Variants in SLC43A2 observed in about 807,000 individuals in gnomAD.
SLC43A2 encodes the protein large neutral amino acids transporter small subunit 4.
In SLC43A2, 38 loss-of-function variants were observed where a neutral mutation model predicts 63.2. The observed-to-expected ratio is 0.60, with a 90% CI of 0.46 to 0.79. The LOEUF is 0.79. Among genes scored for constraint, SLC43A2 ranks in the 30% least tolerant of loss-of-function variants. The pLI is 0.00. For synonymous variants in SLC43A2, 322 were observed against 331.0 expected, an observed-to-expected ratio of 0.97 and a Z score of 0.30; for missense variants, 644 against 756.2, an observed-to-expected ratio of 0.85 and a Z score of 1.74.
rs1405960238 is a variant in SLC43A2, at chr17:1,577,369, G to A, written c.1425-649C>T. Among the ~76,000 whole-genome samples, 2 of 152,200 alleles carry A rather than the reference G, an allele frequency of 1.3e-5. No homozygotes were observed. Among genetic ancestry groups the A allele is most frequent in the Non-Finnish European group, 2.9e-5 (2 of 68,020 alleles). On this transcript the variant is annotated intron_variant, in intron 12 of 13. Coordinates refer to ENST00000301335, the MANE Select transcript of SLC43A2 (RefSeq NM_152346.3). This position sits in a 1 kb window ranked among gnomAD's most constrained non-coding sequence, Gnocchi z 4.9. ...CTGGGCTTGGCTCTGCAGTGCCCTC[G>A]TCCAGAGAAGCATTGAGTAATCGCG... is the stretch of plus-strand genomic sequence containing the variant.
chr17:1,591,726 G>GGC, intron 6 of SLC43A2, 27 bp from the exon 7 acceptor site: 1 of 1,000,374 alleles, frequency 1.0e-6, no homozygotes, highest in Non-Finnish European at 1.5e-6. Flanking sequence ...GGACGGGGTG[G>GGC]GGGGGGGAGG....
intron 4 of SLC43A2, 91 bp from the exon 5 acceptor site, chr17:1,613,362 C>T: frequency 3.7e-6 from 4 of 1,069,728 alleles, no homozygotes; most frequent in Non-Finnish European, 5.7e-6. Flanking sequence ...GTGCAGGCTC[C>T]CAGTAAATCC....
chr17:1,591,781 C>T (rs1267206969), intron 6 of SLC43A2, 82 bp from the exon 7 acceptor site: 17 of 1,077,234 alleles, frequency 1.6e-5, no homozygotes, highest in East Asian at 5.2e-5. Context: ...CAGGCAGGGG[C>T]GTCTGGCCAC....
At chr17:1,615,146 C>A in intron 3 of SLC43A2, 112 bp from the exon 4 acceptor site, 1 of 1,335,278 alleles carries the variant, frequency 7.5e-7, no homozygotes, top group Non-Finnish European at 1.0e-6. Flanking sequence ...CTTGCTCTGT[C>A]ACCCGGGCTG....
At chr17:1,581,909 A>ATG (rs2076021683) in intron 11 of SLC43A2, among the ~76,000 whole-genome samples, 2 of 149,160 alleles carry the variant, frequency 1.3e-5, no homozygotes, top group African/African-American at 2.5e-5. Context: ...GGATTCAAGC[A>ATG]ATTCTCCTGC....
chr17:1,586,936 AC>A lies in SLC43A2; in HGVS notation c.1079-886del, dbSNP rs148577276. 2,799 of 518,674 alleles carry A rather than the reference AC, an allele frequency of 5.4e-3. 38 individuals carry two copies. In the African/African-American group the frequency reaches 0.056, roughly 10 times the overall value. The allele number at this position is 518,674 out of a possible 1,614,324, so 32.1% of individuals were successfully genotyped here. A position where few individuals can be genotyped will look rare whatever the true frequency, so the allele number is the denominator to read the frequency against. ...ACAGCATTCCCTGACAATCCCCCCC[AC>A]CCCCCGCTTACCCGTGGCCATCACT... On this transcript the variant is annotated intron_variant, in intron 9 of 13. Transcript: ENST00000301335.
rs1345987404 is a variant in SLC43A2, at chr17:1,591,372, G to A, written c.828C>T (p.Gly276=). The A allele has an allele frequency of 1.9e-6, 3 of 1,612,148 alleles. No homozygotes were observed. Among genetic ancestry groups the A allele is most frequent in the Non-Finnish European group, 2.5e-6 (3 of 1,179,980 alleles). ...GCTCCTTGGCACTCCTCATGGAGCT[G>A]CCCACACTCAGGCGCCGGCCCACCG... is the stretch of plus-strand genomic sequence containing the variant. ...VTTVGRRLSV[G]SSMRSAKEQV... Residue 276 remains glycine (G), a synonymous_variant, in exon 8 of 14, where the codon GGC becomes GGT. Transcript: ENST00000301335.
At chr17:1,586,701 A>G (rs1353444889) in intron 9 of SLC43A2, among the ~76,000 whole-genome samples, 1 of 152,144 alleles carries the variant, frequency 6.6e-6, no homozygotes, top group African/African-American at 2.4e-5. Flanking sequence ...TCAAAAAAAA[A>G]AGAAATATCC....
chr17:1,620,092 C>T (rs911862777), intron 2 of SLC43A2, among the ~76,000 whole-genome samples: 4 of 152,152 alleles, frequency 2.6e-5, no homozygotes, highest in Non-Finnish European at 5.9e-5. Flanking sequence ...AGGCCAGGCA[C>T]GGTGGCTCAC....
rs768210070 is a variant in SLC43A2, at chr17:1,575,719, G to A, written c.1595C>T (p.Pro532Leu). Residue 532 changes from proline to leucine, a missense_variant, in exon 14 of 14, where the codon CCG (proline) becomes CTG (leucine). Around this residue, in one of 3 missense-constraint regions of SLC43A2, gnomAD observed 105 missense variants for 101.7 expected, o/e 1.03. Coordinates refer to ENST00000301335, the MANE Select transcript of SLC43A2 (RefSeq NM_152346.3). ...GCGCCGGTAGCAGATCAGGTAGAGC[G>A]GGAGGCAGAAGCCCAGCAGGCTGAG... is the stretch of plus-strand genomic sequence containing the variant. ...LLLSLLGFCL[P>L]LYLICYRRQL... is the part of the protein sequence containing the mutation. 17 of 1,613,654 alleles carry A rather than the reference G, an allele frequency of 1.1e-5. No individual in the cohort carries two copies. Among genetic ancestry groups the A allele is most frequent in the Admixed American group, 8.3e-5 (5 of 59,998 alleles).
intron 5 of SLC43A2, among the ~76,000 whole-genome samples, chr17:1,598,067 C>T (rs1039739373): frequency 6.6e-6 from 1 of 152,006 alleles, no homozygotes; most frequent in African/African-American, 2.4e-5. Flanking sequence ...ATTTGTTCTG[C>T]TTATGCGGAA....
rs1025730373 is a variant in SLC43A2 at position 1,577,981 on chromosome 17, G to C, written c.1424+269C>G. On this transcript the variant is annotated intron_variant, in intron 12 of 13. Coordinates refer to ENST00000301335, the MANE Select transcript of SLC43A2 (RefSeq NM_152346.3). The surrounding 1 kb of genome is among the most constrained non-coding windows in gnomAD (Gnocchi z 4.9). ...CCTGAGGCCATAATGAGCTGCACAG[G>C]TGCCTGACCCTGGCTGGGGGAACTG... Among the ~76,000 whole-genome samples the C allele has an allele frequency of 6.6e-6, 1 of 152,212 alleles. No individual in the cohort carries two copies. Among genetic ancestry groups the C allele is most frequent in the Non-Finnish European group, 1.5e-5 (1 of 68,042 alleles).
chr17:1,613,412 G>A (rs1598484734), intron 4 of SLC43A2, 141 bp from the exon 5 acceptor site: 4 of 674,536 alleles, frequency 5.9e-6, no homozygotes, highest in East Asian at 2.7e-5. Context: ...CATCTGGGGA[G>A]TGGAACTGCC....
chr17:1,582,380 G>C (rs1598436780), intron 11 of SLC43A2, among the ~76,000 whole-genome samples: 1 of 152,190 alleles, frequency 6.6e-6, no homozygotes, highest in East Asian at 1.9e-4. Flanking sequence ...GGCCTGGAAT[G>C]AAGCTTTTGA....
At position 1,576,683 on chromosome 17, in the gene SLC43A2, G is replaced by A. The variant is rs751934014; in HGVS notation, c.1462C>T (p.Gln488Ter). The change falls in exon 13 of 14, where the codon CAG becomes TAG. Residue 488 changes from glutamine (Q) to a stop codon, truncating the protein, a stop_gained. Coordinates refer to ENST00000301335, the MANE Select transcript of SLC43A2 (RefSeq NM_152346.3). LOFTEE classifies it high-confidence loss of function. ...STQFGSLTGLQSLISALFALL... is the reference protein window; with the variant it reads ...STQFGSLTGL The stretch of plus-strand genomic sequence containing the variant: ...GCGAAGAGCGCGCTGATCAGAGACT[G>A]CAGTCCCGTGAGGCTGCCGAACTGG... The A allele has an allele frequency of 6.2e-7, 1 of 1,611,002 alleles. No individual in the cohort carries two copies. The highest frequency in any genetic ancestry group is 1.3e-5 in the African/African-American group (1 of 75,024).
chr17:1,596,611 G>T (rs1440395437), intron 5 of SLC43A2, among the ~76,000 whole-genome samples: 2 of 151,414 alleles, frequency 1.3e-5, no homozygotes, highest in Admixed American at 1.3e-4. Flanking sequence ...ATGGAGTCTC[G>T]CTCTGTCTCC....
chr17:1,597,064 A>G (rs1272180726), intron 5 of SLC43A2, among the ~76,000 whole-genome samples: 6 of 151,732 alleles, frequency 4.0e-5, no homozygotes, highest in Non-Finnish European at 8.8e-5. Context: ...AAAATACAAA[A>G]ACTTAGCGAG....
intron 9 of SLC43A2, among the ~76,000 whole-genome samples, chr17:1,587,596 G>A (rs554517425): frequency 1.3e-5 from 2 of 152,328 alleles, no homozygotes; most frequent in Non-Finnish European, 2.9e-5. Flanking sequence ...TCCTGGTCTA[G>A]AGGCCCTTGG....
At chr17:1,594,865 G>A (rs1905162311) in intron 5 of SLC43A2, among the ~76,000 whole-genome samples, 1 of 151,822 alleles carries the variant, frequency 6.6e-6, no homozygotes, top group South Asian at 2.1e-4. Flanking sequence ...TGGGATTACA[G>A]GCGTGAGCCA....
Sources: gnomAD v4.1 joint callset for allele counts (sites outside exome capture counted in the v4.1 genomes callset) on GRCh38, gnomAD v4.1.1 for gene constraint, gnomAD v4.1.1 regional missense constraint, Gnocchi (gnomAD v3.1) non-coding constraint, MANE v1.5 for transcripts, NCBI Gene and HGNC (gene_info 2026-07-23, HGNC 2026-07-21) for gene names.